TNK2: variants seen among roughly 807,000 people sequenced by gnomAD.
TNK2 encodes tyrosine kinase non receptor 2, also known as activated CDC42 kinase 1.
TNK2 carries 83 observed loss-of-function variants against 101.8 expected under a neutral mutation model. The observed-to-expected ratio is 0.82, with a 90% CI of 0.68 to 0.98. The LOEUF (loss-of-function observed/expected upper bound fraction) is 0.98, where lower values mean the gene tolerates loss of function less well. Among genes scored for constraint, TNK2 ranks in the 50% least tolerant of loss-of-function variants. The probability of loss-of-function intolerance (pLI) is 0.00; values close to 1 mark genes in which losing one functional copy is unlikely to be tolerated. For missense variants in TNK2, 1,665 were observed against 1,483.2 expected, an observed-to-expected ratio of 1.12 and a Z score of -2.01; for synonymous variants, 804 against 633.0, an observed-to-expected ratio of 1.27 and a Z score of -4.06.
At chr3:195,879,792 AG>A (rs1237095517) in intron 6 of TNK2, among the ~76,000 whole-genome samples, 2 of 151,976 alleles carry the variant, frequency 1.3e-5, no homozygotes, top group Middle Eastern at 3.4e-3. Context: ...TGCCCCTCAA[AG>A]GGGATGGGGC....
chr3:195,898,896 A>C (rs1159700639), intron 1 of TNK2, among the ~76,000 whole-genome samples: 1 of 151,980 alleles, frequency 6.6e-6, no homozygotes, highest in African/African-American at 2.4e-5. Context: ...GGAGTTCGAG[A>C]CCAGCCTGGC....
intron 15 of TNK2, among the ~76,000 whole-genome samples, chr3:195,865,545 C>CTGG (rs1740154057): frequency 6.8e-6 from 1 of 146,660 alleles, no homozygotes. Context: ...TGCCTGCATC[C>CTGG]CAGGTGCAAA....
rs762059055 is a variant in TNK2, at chr3:195,867,966, C to T, written c.2332G>A (p.Glu778Lys). 4.5e-5 allele frequency: 69 copies of T among 1,544,442 alleles called. No individual in the cohort carries two copies. The highest frequency in any genetic ancestry group is 9.1e-5 in the Admixed American group (4 of 44,194). ...HVQLSPAPPGEEETSQWPGPA... is the reference protein window; with the variant it reads ...HVQLSPAPPGKEETSQWPGPA... ...CCAGGCCACTGGCTGGTCTCCTCCT[C>T]GCCCGGGGGGGCTGGAGACAGCTGG... Residue 778 changes from glutamate to lysine, a missense_variant, in exon 13 of 16, where the codon GAG becomes AAG. By Grantham distance (56) the Glu-to-Lys change is moderately conservative. Around this residue, in one of 3 missense-constraint regions of TNK2, gnomAD observed 1,136 missense variants for 894.9 expected, o/e 1.27. Transcript: ENST00000672887.
Position 195,886,857 on chromosome 3 carries a change from T to C in TNK2, c.234+120A>G. 1.8e-6 allele frequency: 2 copies of C among 1,096,234 alleles called. No individual in the cohort carries two copies. The allele number at this position is 1,096,234 out of a possible 1,614,324, so 67.9% of individuals were successfully genotyped here. A position where few individuals can be genotyped will look rare whatever the true frequency, so the allele number is the denominator to read the frequency against. ...CTGGACGAGGGGGTCCTGTACAAAG[T>C]GCCGGCAGAACGGCGAGATTCGACC... On this transcript the variant is annotated intron_variant, in intron 3 of 15. Transcript: ENST00000672887. The surrounding 1 kb of genome is among the most constrained non-coding windows in gnomAD (Gnocchi z 4.2).
intron 6 of TNK2, among the ~76,000 whole-genome samples, chr3:195,880,860 A>T (rs9832273): frequency 1.3e-4 from 4 of 31,674 alleles, no homozygotes; most frequent in East Asian, 1.5e-3. Context: ...ACAGCATCTA[A>T]CCCTGTAACA....
At chr3:195,905,616 T>C (rs1436355035) in intron 1 of TNK2, among the ~76,000 whole-genome samples, 1 of 152,044 alleles carries the variant, frequency 6.6e-6, no homozygotes, top group Non-Finnish European at 1.5e-5. Context: ...CATTGATTCA[T>C]ACCTTGCACC....
At chr3:195,880,733 C>A (rs1245374935) in intron 6 of TNK2, among the ~76,000 whole-genome samples, 1 of 55,178 alleles carries the variant, frequency 1.8e-5, no homozygotes. Flanking sequence ...CCCAGCAATG[C>A]CCCTTGGAGA....
intron 1 of TNK2, chr3:195,896,387 G>A (rs1173069637): frequency 9.7e-6 from 3 of 308,376 alleles, no homozygotes; most frequent in Admixed American, 4.7e-5. Flanking sequence ...GTCACTAGGT[G>A]AGGCTCCCTC....
intron 1 of TNK2, among the ~76,000 whole-genome samples, chr3:195,890,446 G>GTTT (rs956886967): frequency 2.9e-5 from 4 of 139,414 alleles, no homozygotes; most frequent in African/African-American, 1.1e-4. Flanking sequence ...TACTTTTATA[G>GTTT]TTTTTTGGTT....
chr3:195,886,225 C>T lies in TNK2; in HGVS notation c.234+752G>A, dbSNP rs1406482678. On this transcript the variant is annotated intron_variant, in intron 3 of 15. Coordinates refer to ENST00000672887, the MANE Select transcript of TNK2 (RefSeq NM_001382273.1). The surrounding 1 kb of genome is among the most constrained non-coding windows in gnomAD (Gnocchi z 4.2). ...CGACACTACTCATCCTTCCCTAAAA[C>T]CCGGGCAAAGGACCAGGACAGTGTT... is the stretch of plus-strand genomic sequence containing the variant. 6.6e-6 allele frequency: 1 copy of T among 152,600 alleles called. No individual in the cohort carries two copies. The highest frequency in any genetic ancestry group is 1.5e-5 in the Non-Finnish European group (1 of 68,398). 9.5% of individuals were successfully genotyped at this position (152,600 alleles called of 1,614,324 possible). A position where few individuals can be genotyped will look rare whatever the true frequency, so the allele number is the denominator to read the frequency against.
At chr3:195,873,949 G>A (rs1207421378) in intron 9 of TNK2, among the ~76,000 whole-genome samples, 1 of 152,162 alleles carries the variant, frequency 6.6e-6, no homozygotes, top group East Asian at 1.9e-4. Context: ...CTGCAGGGAG[G>A]GAAGGAAGGA....
intron 1 of TNK2, among the ~76,000 whole-genome samples, chr3:195,897,300 G>C (rs184239210): frequency 1.3e-5 from 2 of 152,238 alleles, no homozygotes; most frequent in Non-Finnish European, 2.9e-5. Flanking sequence ...CTGGTCTGGG[G>C]AGGAGGCTGG....
intron 9 of TNK2, among the ~76,000 whole-genome samples, chr3:195,876,078 A>G (rs1749069457): frequency 6.6e-6 from 1 of 152,214 alleles, no homozygotes; most frequent in South Asian, 2.1e-4. Flanking sequence ...CCGAGGCTCC[A>G]GGGCCAGACC....
chr3:195,892,615 G>A (rs1577106076), intron 1 of TNK2: 1 of 1,452,830 alleles, frequency 6.9e-7, no homozygotes, highest in East Asian at 2.5e-5. Flanking sequence ...AGAACGGGGT[G>A]GGCCCCTCCG....
Position 195,864,031 on chromosome 3 carries a change from A to AT in TNK2, c.*149_*150insA. ...GAGGGATGGGCAGGGCAGGGCTCCC[A>AT]GCCTCCCGCAGCCTTGGCCTTGCTC... On this transcript the variant is annotated 3_prime_UTR_variant, in exon 16 of 16. Coordinates refer to ENST00000672887, the MANE Select transcript of TNK2 (RefSeq NM_001382273.1). 1 of 1,040,448 alleles carries AT rather than the reference A, an allele frequency of 9.6e-7. No individual in the cohort carries two copies. The highest frequency in any genetic ancestry group is 1.4e-6 in the Non-Finnish European group (1 of 694,900). 64.5% of individuals were successfully genotyped at this position (1,040,448 alleles called of 1,614,324 possible). A position where few individuals can be genotyped will look rare whatever the true frequency, so the allele number is the denominator to read the frequency against.
intron 9 of TNK2, among the ~76,000 whole-genome samples, chr3:195,875,963 C>T (rs541301522): frequency 1.3e-5 from 2 of 152,274 alleles, no homozygotes; most frequent in African/African-American, 4.8e-5. Flanking sequence ...CAACTAATGC[C>T]GGACATTCTG....
At chr3:195,867,128 C>T (rs1741401183) in intron 14 of TNK2, 41 bp downstream of exon 14, 1 of 1,609,944 alleles carries the variant, frequency 6.2e-7, no homozygotes, top group East Asian at 2.2e-5. Flanking sequence ...AACCAGGCTT[C>T]AGGGTCCCTG....
intron 10 of TNK2, among the ~76,000 whole-genome samples, chr3:195,871,381 C>A (rs976219790): frequency 1.3e-5 from 2 of 152,098 alleles, no homozygotes; most frequent in African/African-American, 4.8e-5. Context: ...TCCCCAAGGT[C>A]CCCAGTCCCA....
rs758459608 is a variant in TNK2 at position 195,886,940 on chromosome 3, GC to G, written c.234+36del. On this transcript the variant is annotated intron_variant, in intron 3 of 15. Coordinates refer to ENST00000672887, the MANE Select transcript of TNK2 (RefSeq NM_001382273.1). This position sits in a 1 kb window ranked among gnomAD's most constrained non-coding sequence, Gnocchi z 4.2. ...GAAGCGGAGGGGGGCGTTCGAGGCT[GC>G]CCCCCTCCCACCTCCTCACCCACCT... 1.9e-5 allele frequency: 30 copies of G among 1,604,450 alleles called. No individual in the cohort carries two copies. The highest frequency in any genetic ancestry group is 3.3e-5 in the Admixed American group (2 of 59,960).
Sources: gnomAD v4.1 joint callset for allele counts (sites outside exome capture counted in the v4.1 genomes callset) on GRCh38, gnomAD v4.1.1 for gene constraint, gnomAD v4.1.1 regional missense constraint, Gnocchi (gnomAD v3.1) non-coding constraint, MANE v1.5 for transcripts, NCBI Gene and HGNC (gene_info 2026-07-23, HGNC 2026-07-21) for gene names.